The following TTC21B variants were observed in gnomAD, a reference collection of about 807,000 sequenced individuals.
The protein encoded by TTC21B is tetratricopeptide repeat protein 21B.
In TTC21B, 127 loss-of-function variants were observed where a neutral mutation model predicts 175.1. That is an observed-to-expected ratio of 0.73 (90% CI 0.63 to 0.84). The LOEUF is 0.84. Ranked by LOEUF, TTC21B falls within the 40% of genes least tolerant of loss-of-function variation. TTC21B has a pLI of 0.00. For synonymous variants in TTC21B, 524 were observed against 524.5 expected, an observed-to-expected ratio of 1.00 and a Z score of 0.01; for missense variants, 1,561 against 1,558.3, an observed-to-expected ratio of 1.00 and a Z score of -0.03.
At chr2:165,925,388 A>G (rs1177033745) in intron 11 of TTC21B, among the ~76,000 whole-genome samples, 2 of 152,182 alleles carry the variant, frequency 1.3e-5, no homozygotes, top group African/African-American at 4.8e-5. Context: ...TCCAATCACA[A>G]TTTAGTAATG....
chr2:165,890,806 A>T (rs1685162788), intron 23 of TTC21B, 32 bp downstream of exon 23: 1 of 1,603,754 alleles, frequency 6.2e-7, no homozygotes, highest in Non-Finnish European at 8.5e-7. Flanking sequence ...AGAAAAAAAA[A>T]TCATGTAGCA....
intron 11 of TTC21B, chr2:165,928,708 C>CT (rs72386101): frequency 0.016 from 2,548 of 161,568 alleles, 68 homozygotes; most frequent in African/African-American, 0.055. Context: ...ATGGTCCTTT[C>CT]TTTTTTTTTT....
At position 165,890,593 on chromosome 2, in the gene TTC21B, C is replaced by G. The variant is rs144103331; in HGVS notation, c.3149G>C (p.Arg1050Pro). 6 of 1,613,584 alleles carry G rather than the reference C, an allele frequency of 3.7e-6. No homozygotes were observed. The African/African-American group carries it at 6.7e-5, about 18-fold the overall frequency. The change falls in exon 24 of 29, where the codon CGG becomes CCG. Residue 1050 changes from arginine (R) to proline (P), a missense_variant. By Grantham distance (103) the Arg-to-Pro change is moderately radical (BLOSUM62 -2). Coordinates refer to ENST00000243344, the MANE Select transcript of TTC21B (RefSeq NM_024753.5). ...ATTTTGGCCCCAGTCACGATCTTTC[C>G]GAGCTTTATTAAAATGTCGAAGGGC... ...NDALRHFNKA[R>P]KDRDWGQNAL...
At chr2:165,915,460 T>A in intron 14 of TTC21B, 21 bp from the exon 15 acceptor site, 1 of 1,569,298 alleles carries the variant, frequency 6.4e-7, no homozygotes, top group Non-Finnish European at 8.8e-7. Context: ...GAAATTAAAA[T>A]AATCATTCTT....
intron 25 of TTC21B, among the ~76,000 whole-genome samples, chr2:165,884,961 A>C (rs907820590): frequency 1.3e-5 from 2 of 152,208 alleles, no homozygotes; most frequent in Non-Finnish European, 2.9e-5. Context: ...AGGCTAGTGC[A>C]TAGCGAGACC....
intron 26 of TTC21B, among the ~76,000 whole-genome samples, chr2:165,882,613 C>T (rs928247134): frequency 6.6e-6 from 1 of 152,036 alleles, no homozygotes; most frequent in Non-Finnish European, 1.5e-5. Context: ...TGTACATTTC[C>T]TGCCCCAGAT....
intron 27 of TTC21B, among the ~76,000 whole-genome samples, chr2:165,877,646 CAGA>C (rs1176612726): frequency 1.2e-4 from 18 of 152,200 alleles, no homozygotes; most frequent in African/African-American, 3.9e-4. Flanking sequence ...ATGCATATCT[CAGA>C]AGATTTCCAT....
chr2:165,879,910 G>A (rs1684785579), intron 27 of TTC21B: 1 of 152,206 alleles, frequency 6.6e-6, no homozygotes, highest in South Asian at 2.1e-4. Context: ...AACTGCAGAT[G>A]GCTTGAAGAC....
intron 19 of TTC21B, among the ~76,000 whole-genome samples, chr2:165,903,558 G>A (rs143721487): frequency 1.5e-3 from 229 of 152,254 alleles, no homozygotes; most frequent in Admixed American, 0.012. Context: ...AATGAGACTG[G>A]GATCAATCAG....
intron 6 of TTC21B, among the ~76,000 whole-genome samples, chr2:165,938,159 G>A (rs1390818284): frequency 6.6e-6 from 1 of 151,732 alleles, no homozygotes; most frequent in Non-Finnish European, 1.5e-5. Flanking sequence ...ACAAACCTGA[G>A]CCACTAATCA....
intron 22 of TTC21B, among the ~76,000 whole-genome samples, chr2:165,894,478 A>G (rs1443036900): frequency 1.3e-5 from 2 of 152,190 alleles, no homozygotes; most frequent in African/African-American, 4.8e-5. Flanking sequence ...AGATCTGTGG[A>G]TAAGTATGTA....
At position 165,915,255 on chromosome 2, in the gene TTC21B, G is replaced by A. The variant is rs1686122209; in HGVS notation, c.2084C>T (p.Ala695Val). The part of the protein sequence containing the change: ...PYFIEAREKM[A>V]DIYLKHRKDK... ...TTTTCTGTGCTTCAGATAAATATCT[G>A]CCATTTTTTCTCTGGCCTCTATAAA... The change falls in exon 15 of 29, where the codon GCA becomes GTA. Residue 695 changes from alanine (A) to valine (V), a missense_variant. Ala to Val is a moderately conservative substitution (Grantham distance 64, BLOSUM62 0). Coordinates refer to ENST00000243344, the MANE Select transcript of TTC21B (RefSeq NM_024753.5). The A allele has an allele frequency of 6.2e-7, 1 of 1,614,050 alleles. No individual in the cohort carries two copies. Among genetic ancestry groups the A allele is most frequent in the South Asian group, 1.1e-5 (1 of 91,082 alleles).
At chr2:165,903,040 T>C (rs1206411683) in intron 19 of TTC21B, among the ~76,000 whole-genome samples, 1 of 152,198 alleles carries the variant, frequency 6.6e-6, no homozygotes, top group African/African-American at 2.4e-5. Context: ...CCCTACACTG[T>C]TTTACATCTG....
intron 8 of TTC21B, among the ~76,000 whole-genome samples, chr2:165,930,711 T>C (rs1338329938): frequency 8.4e-6 from 1 of 118,686 alleles, no homozygotes; most frequent in East Asian, 2.3e-4. Flanking sequence ...AACCATTATT[T>C]TATGGTTACG....
At chr2:165,929,385 T>C in intron 10 of TTC21B, 50 bp from the exon 11 acceptor site, 1 of 1,449,388 alleles carries the variant, frequency 6.9e-7, no homozygotes, top group Non-Finnish European at 9.6e-7. Flanking sequence ...TATAAAGCCA[T>C]TTATTTCCAC....
intron 12 of TTC21B, among the ~76,000 whole-genome samples, chr2:165,923,414 T>C (rs1686493927): frequency 6.6e-6 from 1 of 151,636 alleles, no homozygotes; most frequent in Non-Finnish European, 1.5e-5. Flanking sequence ...TTGGCAAAGG[T>C]ACATACAGAC....
intron 18 of TTC21B, among the ~76,000 whole-genome samples, chr2:165,909,243 C>T (rs901315761): frequency 2.0e-5 from 3 of 151,812 alleles, no homozygotes; most frequent in Non-Finnish European, 4.4e-5. Flanking sequence ...GAATAAAGTA[C>T]ATGGATTAAA....
chr2:165,918,674 CAGA>C (rs1211175294), intron 13 of TTC21B, among the ~76,000 whole-genome samples: 1 of 152,104 alleles, frequency 6.6e-6, no homozygotes, highest in Non-Finnish European at 1.5e-5. Context: ...TGAAGCAAAG[CAGA>C]AGTTTTCAGA....
At chr2:165,878,018 G>A (rs577017881) in intron 27 of TTC21B, among the ~76,000 whole-genome samples, 4 of 152,232 alleles carry the variant, frequency 2.6e-5, no homozygotes, top group Admixed American at 6.5e-5. Context: ...GGGATCTTAC[G>A]CAAGTGGCTT....
Sources: gnomAD v4.1 joint callset for allele counts (sites outside exome capture counted in the v4.1 genomes callset) on GRCh38, gnomAD v4.1.1 for gene constraint, MANE v1.5 for transcripts, NCBI Gene and HGNC (gene_info 2026-07-23, HGNC 2026-07-21) for gene names.